ADGRF4: variants seen among roughly 807,000 people sequenced by gnomAD.
ADGRF4 encodes G-protein coupled receptor PGR18.
In ADGRF4, 63 loss-of-function variants were observed where a neutral mutation model predicts 58.5. The ratio of observed to expected loss-of-function variants is 1.08; its 90% CI spans 0.88 to 1.33. The LOEUF (loss-of-function observed/expected upper bound fraction) is 1.33, where lower values mean the gene tolerates loss of function less well. ADGRF4 is among the 40% of genes most tolerant of loss of function. The pLI, the probability that ADGRF4 is intolerant of heterozygous loss-of-function variation, is 0.00. For synonymous variants in ADGRF4, 313 were observed against 295.4 expected, an observed-to-expected ratio of 1.06 and a Z score of -0.61; for missense variants, 931 against 843.9, an observed-to-expected ratio of 1.10 and a Z score of -1.28.
chr6:47,718,400 A>C lies in ADGRF4; in HGVS notation c.2046A>C (p.Leu682=), dbSNP rs1450379628. The part of the protein sequence containing the change: ...GKSRAAENAS[L]GPTNGSKLMN... ...TTTCCCCCACTTAGAATGCATCACTAGGCCCAACCAATGGATCTAAATTAA... is the reference window on the plus strand; with the variant it reads ...TTTCCCCCACTTAGAATGCATCACTCGGCCCAACCAATGGATCTAAATTAA... The change falls in exon 9 of 10, where the codon CTA becomes CTC. Residue 682 remains leucine (L), a synonymous_variant. Coordinates refer to ENST00000283303, the MANE Select transcript of ADGRF4 (RefSeq NM_153838.5). 2 of 1,566,040 alleles carry C rather than the reference A, an allele frequency of 1.3e-6. No individual in the cohort carries two copies. Among genetic ancestry groups the C allele is most frequent in the African/African-American group, 2.7e-5 (2 of 73,886 alleles).
At chr6:47,701,420 C>T (rs1329748354) in intron 1 of ADGRF4, among the ~76,000 whole-genome samples, 1 of 152,130 alleles carries the variant, frequency 6.6e-6, no homozygotes, top group Admixed American at 6.5e-5. Flanking sequence ...GGCTTAGTTG[C>T]TTTTATCTCT....
At chr6:47,704,637 G>T (rs549253188) in intron 1 of ADGRF4, among the ~76,000 whole-genome samples, 2 of 152,062 alleles carry the variant, frequency 1.3e-5, no homozygotes, top group Admixed American at 1.3e-4. Flanking sequence ...TCAAACTGCA[G>T]GTTACAATCC....
At position 47,714,836 on chromosome 6, in the gene ADGRF4, G is replaced by A. The variant is rs1771969167; in HGVS notation, c.1591G>A (p.Val531Ile). ...CTATGGGTGCCCATTGATCATTGCT[G>A]TCACTACAGTTGCTATCACAGAGCC... ...IGYGCPLIIAVTTVAITEPEK... is the reference protein window; with the variant it reads ...IGYGCPLIIAITTVAITEPEK... The change falls in exon 6 of 10, where the codon GTC (valine) becomes ATC (isoleucine). Residue 531 changes from valine to isoleucine, a missense_variant. Val to Ile is a conservative substitution (Grantham distance 29). Transcript: ENST00000283303. 6.2e-7 allele frequency: 1 copy of A among 1,611,932 alleles called. No homozygotes were observed. The highest frequency in any genetic ancestry group is 1.3e-5 in the African/African-American group (1 of 74,894).
chr6:47,710,129 T>A (rs1292253315), intron 3 of ADGRF4, among the ~76,000 whole-genome samples: 2 of 152,168 alleles, frequency 1.3e-5, no homozygotes, highest in Non-Finnish European at 2.9e-5. Flanking sequence ...TTGATGAAAT[T>A]GTTGTAAGCA....
At chr6:47,706,555 G>A (rs1051232600) in intron 1 of ADGRF4, among the ~76,000 whole-genome samples, 5 of 152,188 alleles carry the variant, frequency 3.3e-5, no homozygotes, top group African/African-American at 1.2e-4. Context: ...AATTGAGGGC[G>A]GGTAGTGAGT....
At chr6:47,717,249 T>G (rs1218391524) in intron 7 of ADGRF4, 43 bp from the exon 8 acceptor site, 2 of 1,395,070 alleles carry the variant, frequency 1.4e-6, no homozygotes, top group African/African-American at 2.8e-5. Context: ...TGTTGTTTCT[T>G]CCAACATCTG....
chr6:47,721,156 C>A (rs1202425463), intron 9 of ADGRF4, 53 bp from the exon 10 acceptor site: 1 of 152,174 alleles, frequency 6.6e-6, no homozygotes, highest in East Asian at 1.9e-4. Flanking sequence ...CGTTAAAAAC[C>A]CAATGCAAGC....
chr6:47,710,943 A>G (rs2113901341), intron 4 of ADGRF4, 57 bp downstream of exon 4: 1 of 1,488,506 alleles, frequency 6.7e-7, no homozygotes, highest in Non-Finnish European at 9.2e-7. Flanking sequence ...GAAAGTAGAC[A>G]CATTTTTAAT....
rs1447086479 is a variant in ADGRF4 at position 47,713,801 on chromosome 6, T to G, written c.556T>G (p.Tyr186Asp). 1.3e-6 allele frequency: 2 copies of G among 1,537,516 alleles called. No individual in the cohort carries two copies. The highest frequency in any genetic ancestry group is 8.7e-7 in the Non-Finnish European group (1 of 1,144,702). The part of the protein sequence containing the change: ...DNVTREKMKS[Y>D]SEVANHILDT... Reference sequence around the variant, plus strand: ...TGTTCACCTTTCTCCATTGCAGAGCTATAGTGAAGTGGCCAACCACATCCT... The same window carrying G: ...TGTTCACCTTTCTCCATTGCAGAGCGATAGTGAAGTGGCCAACCACATCCT... The change falls in exon 6 of 10, where the codon TAT becomes GAT. Residue 186 changes from tyrosine to aspartate, a missense_variant. Physicochemically the swap from Tyr to Asp is radical, Grantham distance 160. Coordinates refer to ENST00000283303, the MANE Select transcript of ADGRF4 (RefSeq NM_153838.5).
At chr6:47,710,203 A>T (rs1437567201) in intron 3 of ADGRF4, among the ~76,000 whole-genome samples, 3 of 152,216 alleles carry the variant, frequency 2.0e-5, no homozygotes, top group African/African-American at 7.2e-5. Flanking sequence ...CTTAGTATTC[A>T]TGGTGACTTT....
chr6:47,716,068 TC>T (rs1335941040), intron 6 of ADGRF4, among the ~76,000 whole-genome samples: 1 of 152,092 alleles, frequency 6.6e-6, no homozygotes, highest in Non-Finnish European at 1.5e-5. Flanking sequence ...AATGATCTCA[TC>T]CTTTCTTACT....
chr6:47,702,085 C>T (rs958582779), intron 1 of ADGRF4, among the ~76,000 whole-genome samples: 31 of 152,314 alleles, frequency 2.0e-4, no homozygotes, highest in Admixed American at 1.2e-3. Context: ...GTGGTCCACC[C>T]GCCTTGGCCT....
chr6:47,702,742 T>C lies in ADGRF4; in HGVS notation c.-17+3948T>C, dbSNP rs1771617749. ...ACAGAGGGTTTATAAAGATAGAGAATATAAGAGAATACACAATTTTGTTGA... is the reference window on the plus strand; with the variant it reads ...ACAGAGGGTTTATAAAGATAGAGAACATAAGAGAATACACAATTTTGTTGA... On this transcript the variant is annotated intron_variant, in intron 1 of 9. Transcript: ENST00000283303. Among the ~76,000 whole-genome samples, 5 of 152,202 alleles carry C rather than the reference T, an allele frequency of 3.3e-5. No homozygotes were observed. The South Asian group carries it at 1.0e-3, about 32-fold the overall frequency.
chr6:47,721,433 C>G lies in ADGRF4; in HGVS notation c.*228C>G, dbSNP rs1347193945. The G allele has an allele frequency of 1.3e-5, 2 of 152,326 alleles. No individual in the cohort carries two copies. Among genetic ancestry groups the G allele is most frequent in the South Asian group, 2.1e-4 (1 of 4,826 alleles). The allele number at this position is 152,326 out of a possible 1,614,324, so 9.4% of individuals were successfully genotyped here. ...TGATTTATGGACCCCTTAACCTACCCGTGCCCTGCAAGAGGCTGGCTTCTT... is the reference window on the plus strand; with the variant it reads ...TGATTTATGGACCCCTTAACCTACCGGTGCCCTGCAAGAGGCTGGCTTCTT... On this transcript the variant is annotated 3_prime_UTR_variant, in exon 10 of 10. Transcript: ENST00000283303.
intron 6 of ADGRF4, among the ~76,000 whole-genome samples, chr6:47,716,552 T>G (rs943082336): frequency 2.6e-5 from 4 of 152,214 alleles, no homozygotes; most frequent in African/African-American, 9.6e-5. Flanking sequence ...CTGAAAACTA[T>G]CCTACATCTA....
chr6:47,714,474 G>T lies in ADGRF4; in HGVS notation c.1229G>T (p.Ser410Ile). The T allele has an allele frequency of 1.9e-6, 3 of 1,614,166 alleles. No individual in the cohort carries two copies. The highest frequency in any genetic ancestry group is 2.5e-6 in the Non-Finnish European group (3 of 1,180,040). ...GACTACATCACCTGCATTGGGCTCAGCGTCTCAATCCTAAGCTTGGTTCTT... is the reference window on the plus strand; with the variant it reads ...GACTACATCACCTGCATTGGGCTCATCGTCTCAATCCTAAGCTTGGTTCTT... Reference protein sequence around the residue: ...VLDYITCIGLSVSILSLVLCL... With the variant: ...VLDYITCIGLIVSILSLVLCL... The change falls in exon 6 of 10, where the codon AGC (serine) becomes ATC (isoleucine). Residue 410 changes from serine (S) to isoleucine (I), a missense_variant. Physicochemically the swap from Ser to Ile is moderately radical, Grantham distance 142. Transcript: ENST00000283303.
intron 2 of ADGRF4, 42 bp from the exon 3 acceptor site, chr6:47,708,182 G>A (rs780704675): frequency 1.4e-6 from 2 of 1,468,094 alleles, no homozygotes; most frequent in Non-Finnish European, 1.9e-6. Context: ...AGGGAGCAGA[G>A]TCCCACAGTA....
At chr6:47,718,501 A>G in intron 9 of ADGRF4, 56 bp downstream of exon 9, 2 of 986,180 alleles carry the variant, frequency 2.0e-6, no homozygotes, top group South Asian at 1.3e-5. Context: ...CAATCCACCA[A>G]TGCCCCTTGT....
chr6:47,716,274 T>C (rs879006534), intron 6 of ADGRF4, among the ~76,000 whole-genome samples: 2 of 152,212 alleles, frequency 1.3e-5, no homozygotes, highest in Non-Finnish European at 2.9e-5. Flanking sequence ...AGATTGATAG[T>C]GAAAAGACCC....
Sources: allele counts gnomAD v4.1 joint callset (sites outside exome capture counted in the v4.1 genomes callset), GRCh38; gene constraint gnomAD v4.1.1; transcripts MANE v1.5; gene names NCBI Gene and HGNC (gene_info 2026-07-23, HGNC 2026-07-21).